The following ESRRB variants were observed in gnomAD, a reference collection of about 807,000 sequenced individuals.
The protein encoded by ESRRB is estrogen related receptor beta.
ESRRB carries 16 observed loss-of-function variants against 46.0 expected under a neutral mutation model. The observed-to-expected ratio is 0.35, with a 90% confidence interval of 0.24 to 0.53. The LOEUF (loss-of-function observed/expected upper bound fraction) is 0.53, where lower values mean the gene tolerates loss of function less well. Among genes scored for constraint, ESRRB ranks in the 20% least tolerant of loss-of-function variants. The pLI is 0.93. For synonymous variants in ESRRB, 246 were observed against 259.6 expected, an observed-to-expected ratio of 0.95 and a Z score of 0.50; for missense variants, 488 against 607.4, an observed-to-expected ratio of 0.80 and a Z score of 2.07.
intron 1 of ESRRB, among the ~76,000 whole-genome samples, chr14:76,430,605 T>C (rs1357368444): frequency 6.6e-6 from 1 of 152,194 alleles, no homozygotes; most frequent in Non-Finnish European, 1.5e-5. Flanking sequence ...TTCTAAGCAT[T>C]GTGCCTTCAT....
chr14:76,321,501 T>A (rs971485268), intron 1 of ESRRB, among the ~76,000 whole-genome samples: 3 of 152,248 alleles, frequency 2.0e-5, no homozygotes, highest in African/African-American at 7.2e-5. Context: ...TTGTATGTTT[T>A]CACCTAGACA....
chr14:76,469,445 C>T (rs1404137554), intron 3 of ESRRB, among the ~76,000 whole-genome samples: 6 of 152,166 alleles, frequency 3.9e-5, no homozygotes, highest in Non-Finnish European at 8.8e-5. Context: ...CCAGCATCAT[C>T]GAATTCTCTC....
In ESRRB at chr14:76,482,486, A is replaced by G; in HGVS notation, c.689-112A>G. On this transcript the variant is annotated intron_variant, in intron 4 of 6. Coordinates refer to ENST00000644823, the MANE Select transcript of ESRRB (RefSeq NM_001379180.1). This position sits in a 1 kb window ranked among gnomAD's most constrained non-coding sequence, Gnocchi z 4.3. ...AGGAGGGGAGATTATAGCCGCTTTG[A>G]CCTTCCTGGAGCTCTTAGGAACCCA... 1 of 1,073,770 alleles carries G rather than the reference A, an allele frequency of 9.3e-7. No individual in the cohort carries two copies. Among genetic ancestry groups the G allele is most frequent in the Non-Finnish European group, 1.4e-6 (1 of 709,000 alleles). 66.5% of individuals were successfully genotyped at this position (1,073,770 alleles called of 1,614,324 possible).
At chr14:76,380,014 G>A (rs571576692) in intron 1 of ESRRB, among the ~76,000 whole-genome samples, 1 of 152,200 alleles carries the variant, frequency 6.6e-6, no homozygotes, top group Admixed American at 6.5e-5. Flanking sequence ...AGGAGGTGGC[G>A]GTGACAGAGA....
intron 2 of ESRRB, among the ~76,000 whole-genome samples, chr14:76,447,963 C>A (rs1284940205): frequency 6.6e-6 from 1 of 152,218 alleles, no homozygotes; most frequent in Non-Finnish European, 1.5e-5. Context: ...TGGCCAAGGA[C>A]GCCCTCTGGG....
chr14:76,486,109 T>C (rs573495244), intron 5 of ESRRB, among the ~76,000 whole-genome samples: 22 of 152,326 alleles, frequency 1.4e-4, no homozygotes, highest in Middle Eastern at 3.4e-3. Context: ...GGGTTCCCCA[T>C]AGGGCAAGCC....
At chr14:76,353,793 G>A (rs902388541) in intron 1 of ESRRB, among the ~76,000 whole-genome samples, 30 of 151,726 alleles carry the variant, frequency 2.0e-4, no homozygotes, top group Non-Finnish European at 4.0e-4. Context: ...GTCTCACTAT[G>A]TTAGTTACAA....
At chr14:76,326,599 T>A (rs1373047802) in intron 1 of ESRRB, among the ~76,000 whole-genome samples, 1 of 152,114 alleles carries the variant, frequency 6.6e-6, no homozygotes. Context: ...CACAAAAGCA[T>A]TGAGTGAGAA....
chr14:76,334,390 G>A (rs1343203463), intron 1 of ESRRB, among the ~76,000 whole-genome samples: 1 of 152,116 alleles, frequency 6.6e-6, no homozygotes, highest in Non-Finnish European at 1.5e-5. Context: ...AATCCTGGGC[G>A]GAGGGCCCAG....
At chr14:76,358,311 CAAAAA>C (rs1191247686) in intron 1 of ESRRB, among the ~76,000 whole-genome samples, 28 of 23,114 alleles carry the variant, frequency 1.2e-3, no homozygotes, top group Non-Finnish European at 1.9e-3. Context: ...GACTCTGTCT[CAAAAA>C]AAAAAAAAAA....
chr14:76,407,193 T>C (rs1886224473), intron 1 of ESRRB, among the ~76,000 whole-genome samples: 2 of 152,230 alleles, frequency 1.3e-5, no homozygotes, highest in African/African-American at 4.8e-5. Flanking sequence ...TCAGAAATTC[T>C]GAGTCAGTCG....
At chr14:76,486,071 T>C (rs1425859512) in intron 5 of ESRRB, among the ~76,000 whole-genome samples, 2 of 152,216 alleles carry the variant, frequency 1.3e-5, no homozygotes, top group Admixed American at 6.5e-5. Flanking sequence ...TGCAGGTTTT[T>C]TACCTTGAGT....
chr14:76,451,483 G>T (rs886118410), intron 2 of ESRRB, among the ~76,000 whole-genome samples: 4 of 152,192 alleles, frequency 2.6e-5, no homozygotes, highest in African/African-American at 9.7e-5. Flanking sequence ...TTGGCAATGG[G>T]AAGTCATTGA....
intron 1 of ESRRB, among the ~76,000 whole-genome samples, chr14:76,342,185 G>A (rs1189256837): frequency 1.3e-5 from 2 of 152,178 alleles, no homozygotes; most frequent in East Asian, 1.9e-4. Context: ...ATAACAAAGG[G>A]CCCCACTGGG....
chr14:76,429,975 C>T (rs897213312), intron 1 of ESRRB, among the ~76,000 whole-genome samples: 1 of 151,694 alleles, frequency 6.6e-6, no homozygotes, highest in Non-Finnish European at 1.5e-5. Context: ...TTCCTGCCTG[C>T]CTTCCTGCCT....
intron 1 of ESRRB, among the ~76,000 whole-genome samples, chr14:76,334,076 C>A (rs1884096792): frequency 6.6e-6 from 1 of 152,008 alleles, no homozygotes; most frequent in Admixed American, 6.6e-5. Context: ...TAGTGCCTGG[C>A]AGGTAGAAAG....
intron 1 of ESRRB, among the ~76,000 whole-genome samples, chr14:76,335,710 C>T (rs367958425): frequency 2.0e-5 from 3 of 152,144 alleles, no homozygotes; most frequent in Non-Finnish European, 4.4e-5. Flanking sequence ...ATTCTCTTCC[C>T]GCCCCTCACC....
intron 1 of ESRRB, among the ~76,000 whole-genome samples, chr14:76,381,010 C>T (rs1884990728): frequency 6.6e-6 from 1 of 152,142 alleles, no homozygotes; most frequent in South Asian, 2.1e-4. Flanking sequence ...CCTGATTGGT[C>T]TCTGTCTCTG....
intron 1 of ESRRB, among the ~76,000 whole-genome samples, chr14:76,319,230 C>T (rs1370316920): frequency 6.6e-6 from 1 of 152,238 alleles, no homozygotes; most frequent in Admixed American, 6.5e-5. Flanking sequence ...CCCTGCGTAG[C>T]ATAGCTAAAG....
Sources: allele counts gnomAD v4.1 joint callset (sites outside exome capture counted in the v4.1 genomes callset), GRCh38; gene constraint gnomAD v4.1.1; non-coding constraint Gnocchi (gnomAD v3.1); transcripts MANE v1.5; gene names NCBI Gene and HGNC (gene_info 2026-07-23, HGNC 2026-07-21).